The following SCARB2 variants were observed in gnomAD, a reference collection of about 807,000 sequenced individuals.
The protein encoded by SCARB2 is scavenger receptor class B member 2, also known as lysosome membrane protein 2.
SCARB2 carries 29 observed loss-of-function variants against 58.6 expected under a neutral mutation model. The observed-to-expected ratio is 0.49, with a 90% CI of 0.37 to 0.67. The LOEUF is 0.67. Ranked by LOEUF, SCARB2 falls within the 30% of genes least tolerant of loss-of-function variation. The pLI, the probability that SCARB2 is intolerant of heterozygous loss-of-function variation, is 0.00. For missense variants in SCARB2, 488 were observed against 578.5 expected (o/e 0.84, Z 1.60); for synonymous variants, 195 against 210.1 (o/e 0.93, Z 0.62).
At chr4:76,233,466 G>A (rs761540086) in intron 1 of SCARB2, among the ~76,000 whole-genome samples, 13 of 152,038 alleles carry the variant, frequency 8.6e-5, no homozygotes, top group Non-Finnish European at 4.4e-5. Context: ...GATTAAAGTC[G>A]CGTGAACTGA....
chr4:76,196,400 C>T, intron 1 of SCARB2, among the ~76,000 whole-genome samples: 1 of 152,182 alleles, frequency 6.6e-6, no homozygotes, highest in East Asian at 1.9e-4. Context: ...AGGAAGGGTA[C>T]TAAAGACAGC....
chr4:76,192,772 A>C (rs991383002), intron 2 of SCARB2: 1 of 152,172 alleles, frequency 6.6e-6, no homozygotes, highest in African/African-American at 2.4e-5. Flanking sequence ...GGAACCCTTG[A>C]GCCCAGGAGG....
chr4:76,218,324 C>T (rs778096418), upstream of SCARB2, among the ~76,000 whole-genome samples: 1 of 152,234 alleles, frequency 6.6e-6, no homozygotes, highest in African/African-American at 2.4e-5. Flanking sequence ...GAAAAAATTA[C>T]TCTCTCCTCC....
At chr4:76,225,391 T>C (rs1733380010) in intron 1 of SCARB2, among the ~76,000 whole-genome samples, 1 of 152,196 alleles carries the variant, frequency 6.6e-6, no homozygotes, top group Non-Finnish European at 1.5e-5. Context: ...CCTTCCCTTG[T>C]CTGACTCCTC....
intron 7 of SCARB2, among the ~76,000 whole-genome samples, chr4:76,172,456 G>C (rs1253406937): frequency 2.0e-5 from 3 of 151,862 alleles, no homozygotes; most frequent in African/African-American, 4.8e-5. Context: ...GGGTCTCCCT[G>C]TTGCCCATGC....
At chr4:76,175,677 T>G in intron 6 of SCARB2, 114 bp downstream of exon 6, 1 of 1,232,730 alleles carries the variant, frequency 8.1e-7, no homozygotes, top group South Asian at 1.2e-5. Context: ...TATCACTGAT[T>G]ATGCATAAAT....
rs1019645366 is a variant in SCARB2, at chr4:76,159,139, G to C, written c.*2574C>G. The C allele has an allele frequency of 4.6e-5, 7 of 152,188 alleles. No homozygotes were observed. The highest frequency in any genetic ancestry group is 1.5e-5 in the Non-Finnish European group (1 of 68,038). The allele number at this position is 152,188 out of a possible 1,614,324, so 9.4% of individuals were successfully genotyped here. A position where few individuals can be genotyped will look rare whatever the true frequency, so the allele number is the denominator to read the frequency against. ...GCTCAACTCCTAATTTTCCCTGAGA[G>C]AAGTGAGTTAAGCTCTCTGTCTTGG... On this transcript the variant is annotated 3_prime_UTR_variant, in exon 12 of 12. Coordinates refer to ENST00000264896, the MANE Select transcript of SCARB2 (RefSeq NM_005506.4).
intron 2 of SCARB2, among the ~76,000 whole-genome samples, chr4:76,185,588 T>G (rs1179908689): frequency 6.6e-6 from 1 of 152,228 alleles, no homozygotes; most frequent in African/African-American, 2.4e-5. Context: ...GAAATAATTT[T>G]AGAAACAATA....
At chr4:76,172,785 G>C (rs917474863) in intron 7 of SCARB2, 1 of 151,892 alleles carries the variant, frequency 6.6e-6, no homozygotes, top group African/African-American at 2.4e-5. Context: ...GAGTAGCTGG[G>C]TCTACAGGCA....
chr4:76,186,152 T>C (rs1201747554), intron 2 of SCARB2, among the ~76,000 whole-genome samples: 1 of 152,064 alleles, frequency 6.6e-6, no homozygotes, highest in East Asian at 1.9e-4. Context: ...ACTGTGGGCA[T>C]ACAGAGGAGG....
At chr4:76,219,623 A>AG (rs889436406) in intron 1 of SCARB2, among the ~76,000 whole-genome samples, 1 of 151,918 alleles carries the variant, frequency 6.6e-6, no homozygotes, top group Admixed American at 6.6e-5. Context: ...GAGGGGAGAA[A>AG]GGGGGGATGG....
chr4:76,213,108 C>G (rs1404607313), intron 1 of SCARB2: 1 of 374,924 alleles, frequency 2.7e-6, no homozygotes, highest in African/African-American at 2.1e-5. Flanking sequence ...GGGAAGGAAA[C>G]AAGTTTGGGC....
intron 2 of SCARB2, among the ~76,000 whole-genome samples, chr4:76,189,242 T>G (rs1732551091): frequency 6.6e-6 from 1 of 152,168 alleles, no homozygotes; most frequent in African/African-American, 2.4e-5. Flanking sequence ...TAAAATGCAA[T>G]TAGTCACTGT....
intron 2 of SCARB2, among the ~76,000 whole-genome samples, chr4:76,186,565 A>C (rs1041180095): frequency 1.3e-5 from 2 of 152,180 alleles, no homozygotes; most frequent in Admixed American, 6.5e-5. Context: ...AAAGCAGGAT[A>C]CTGAGAAGAA....
At chr4:76,233,114 A>T (rs775077089) in intron 1 of SCARB2, among the ~76,000 whole-genome samples, 2 of 152,202 alleles carry the variant, frequency 1.3e-5, no homozygotes, top group Non-Finnish European at 2.9e-5. Context: ...GTTCTTACAC[A>T]CCTTGCATGT....
intron 1 of SCARB2, among the ~76,000 whole-genome samples, chr4:76,210,643 AT>A (rs956533380): frequency 2.0e-5 from 3 of 152,238 alleles, no homozygotes; most frequent in African/African-American, 7.2e-5. Flanking sequence ...TCTCTTGCAA[AT>A]GAGAAAATTG....
At chr4:76,198,608 CCT>C (rs140293336) in intron 1 of SCARB2, among the ~76,000 whole-genome samples, 3,647 of 152,272 alleles carry the variant, frequency 0.024, 118 homozygotes, top group African/African-American at 0.074. Context: ...TGGGGCTTCT[CCT>C]CTGTCTCCCT....
At chr4:76,170,402 G>A (rs1054638799) in intron 7 of SCARB2, among the ~76,000 whole-genome samples, 4 of 152,158 alleles carry the variant, frequency 2.6e-5, no homozygotes, top group Non-Finnish European at 5.9e-5. Context: ...CTAGCCATCA[G>A]GCTATGAAGG....
chr4:76,217,857 G>A (rs532143140), upstream of SCARB2, among the ~76,000 whole-genome samples: 3 of 152,232 alleles, frequency 2.0e-5, no homozygotes, highest in South Asian at 2.1e-4. Flanking sequence ...GCAATCATTC[G>A]GGACTTAGAA....
Sources: gnomAD v4.1 joint callset for allele counts (sites outside exome capture counted in the v4.1 genomes callset) on GRCh38, gnomAD v4.1.1 for gene constraint, MANE v1.5 for transcripts, NCBI Gene and HGNC (gene_info 2026-07-23, HGNC 2026-07-21) for gene names.